Variants in MPRIP observed in about 807,000 individuals in gnomAD.
The protein encoded by MPRIP is myosin phosphatase Rho-interacting protein.
In MPRIP, 59 loss-of-function variants were observed where a neutral mutation model predicts 234.9. That is an observed-to-expected ratio of 0.25 (90% CI 0.20 to 0.31). MPRIP has a LOEUF of 0.31. Ranked by LOEUF, MPRIP falls within the 10% of genes least tolerant of loss-of-function variation. The probability of loss-of-function intolerance (pLI) is 1.00; values close to 1 mark genes in which losing one functional copy is unlikely to be tolerated. For synonymous variants in MPRIP, 1,144 were observed against 1,263.9 expected (o/e 0.91, Z 2.01); for missense variants, 2,436 against 3,071.0 (o/e 0.79, Z 4.89).
chr17:17,124,072 G>T (rs2090445852), intron 3 of MPRIP, among the ~76,000 whole-genome samples: 1 of 152,210 alleles, frequency 6.6e-6, no homozygotes, highest in African/African-American at 2.4e-5. Flanking sequence ...TTTGGAAGGA[G>T]ATAGAACCCT....
chr17:17,160,069 G>T (rs896235405), intron 14 of MPRIP, among the ~76,000 whole-genome samples: 3 of 152,214 alleles, frequency 2.0e-5, no homozygotes, highest in Admixed American at 6.5e-5. Context: ...AGTCTTCACT[G>T]TTTAAAAGTC....
chr17:17,049,616 G>A (rs748697187), intron 1 of MPRIP, among the ~76,000 whole-genome samples: 4 of 152,200 alleles, frequency 2.6e-5, no homozygotes, highest in Non-Finnish European at 4.4e-5. Flanking sequence ...CCAGGTCGGT[G>A]GTTTTCAAGC....
At chr17:17,097,174 T>C (rs1382512268) in intron 3 of MPRIP, 1 of 197,114 alleles carries the variant, frequency 5.1e-6, no homozygotes, top group Non-Finnish European at 1.1e-5. Context: ...GGTGAAAATT[T>C]GGGGAAACAA....
intron 1 of MPRIP, among the ~76,000 whole-genome samples, chr17:17,058,804 T>A (rs2088785033): frequency 6.6e-6 from 1 of 152,150 alleles, no homozygotes; most frequent in East Asian, 1.9e-4. Context: ...AAAGGACTCT[T>A]GAGTAGAAAC....
chr17:17,077,349 G>A (rs1009668055), intron 2 of MPRIP: 4 of 152,844 alleles, frequency 2.6e-5, no homozygotes, highest in Non-Finnish European at 4.4e-5. Flanking sequence ...GACCGCCGTG[G>A]ACACTTCCCA....
chr17:17,044,208 G>A (rs2088273785), intron 1 of MPRIP, among the ~76,000 whole-genome samples: 1 of 152,204 alleles, frequency 6.6e-6, no homozygotes, highest in Non-Finnish European at 1.5e-5. Context: ...GTCATAGATG[G>A]TTAAGATACC....
At chr17:17,111,924 T>G (rs927121766) in intron 3 of MPRIP, among the ~76,000 whole-genome samples, 29 of 152,160 alleles carry the variant, frequency 1.9e-4, no homozygotes, top group Non-Finnish European at 1.9e-4. Flanking sequence ...TGGCATTTGT[T>G]TAGCTTGCCC....
chr17:17,150,129 C>A lies in MPRIP; in HGVS notation c.1630-15C>A. On this transcript the variant is annotated splice_polypyrimidine_tract_variant and intron_variant, in intron 11 of 23. Coordinates refer to ENST00000651222, the MANE Select transcript of MPRIP (RefSeq NM_001364716.4). ...CTTCCTAAAAATCTCAAGACATTCT[C>A]ACTTCCCTCGGCAGGCAGCCGACTT... The A allele has an allele frequency of 1.2e-6, 2 of 1,605,702 alleles. No homozygotes were observed. Among genetic ancestry groups the A allele is most frequent in the South Asian group, 1.1e-5 (1 of 90,632 alleles).
intron 19 of MPRIP, 78 bp downstream of exon 19, chr17:17,174,153 C>A: frequency 6.6e-7 from 1 of 1,515,754 alleles, no homozygotes; most frequent in Non-Finnish European, 9.0e-7. Context: ...GGTGAGTCCA[C>A]ACTGGAGCTG....
intron 1 of MPRIP, among the ~76,000 whole-genome samples, chr17:17,068,112 T>C (rs2089094749): frequency 6.6e-6 from 1 of 152,116 alleles, no homozygotes; most frequent in Non-Finnish European, 1.5e-5. Context: ...ATTATGTCTT[T>C]TTTTTTCTTT....
rs564128960 is a variant in MPRIP, at chr17:17,092,751, T to C, written c.267+14675T>C. 5.1e-4 allele frequency among the ~76,000 whole-genome samples: 78 copies of C among 152,308 alleles called. No homozygotes were observed. In the South Asian group the frequency reaches 0.016, roughly 32 times the overall value. ...CCCTTGTTCTCTATCTCTCTCTCTC[T>C]CTGTCTCCTACAGAGACTCTGCAGG... On this transcript the variant is annotated intron_variant, in intron 3 of 23. Coordinates refer to ENST00000651222, the MANE Select transcript of MPRIP (RefSeq NM_001364716.4).
At position 17,189,608 on chromosome 17, in the gene MPRIP, T is replaced by C. The variant is rs2046547904; in HGVS notation, c.*4714T>C. Reference sequence around the variant, plus strand: ...TATGATATTATACTTCAAAGGAATTTGATGTTGAAATTTTAAAGAAAATTT... The same window carrying C: ...TATGATATTATACTTCAAAGGAATTCGATGTTGAAATTTTAAAGAAAATTT... On this transcript the variant is annotated 3_prime_UTR_variant, in exon 24 of 24. Transcript: ENST00000651222. 6.6e-6 allele frequency: 1 copy of C among 152,248 alleles called. No individual in the cohort carries two copies. Among genetic ancestry groups the C allele is most frequent in the Non-Finnish European group, 1.5e-5 (1 of 68,044 alleles). The allele number at this position is 152,248 out of a possible 1,614,324, so 9.4% of individuals were successfully genotyped here.
chr17:17,103,645 T>A (rs921397170), intron 3 of MPRIP, among the ~76,000 whole-genome samples: 5 of 152,214 alleles, frequency 3.3e-5, no homozygotes, highest in African/African-American at 1.2e-4. Context: ...TTGTCAGCAT[T>A]GATGTTGGTT....
rs942162545 is a variant in MPRIP, at chr17:17,129,980, G to C, written c.420-1637G>C. 9.2e-5 allele frequency among the ~76,000 whole-genome samples: 14 copies of C among 152,346 alleles called. No homozygotes were observed. In the East Asian group the frequency reaches 2.7e-3, roughly 29 times the overall value. ...GGGACCTCTGCTCCCAGCCAGCCTT[G>C]ATGAGAAGTGTGACCAGGGAGGAGA... On this transcript the variant is annotated intron_variant, in intron 4 of 23. Coordinates refer to ENST00000651222, the MANE Select transcript of MPRIP (RefSeq NM_001364716.4).
At chr17:17,135,251 G>A (rs911188138) in intron 5 of MPRIP, among the ~76,000 whole-genome samples, 5 of 148,778 alleles carry the variant, frequency 3.4e-5, no homozygotes, top group Non-Finnish European at 7.4e-5. Context: ...CTCTGCATCT[G>A]CCTAAATGCC....
At chr17:17,171,394 G>C (rs1597505204) in intron 16 of MPRIP, 2 of 255,644 alleles carry the variant, frequency 7.8e-6, no homozygotes, top group East Asian at 9.1e-5. Context: ...GAAGGTCCAG[G>C]GTTGGCTGGT....
At chr17:17,045,916 C>T (rs1365898320) in intron 1 of MPRIP, among the ~76,000 whole-genome samples, 2 of 150,996 alleles carry the variant, frequency 1.3e-5, no homozygotes, top group African/African-American at 4.9e-5. Context: ...TGCCATTCTT[C>T]TGCCTCAGCC....
chr17:17,096,295 GTGTGTGTGTGT>G (rs1282059087), intron 3 of MPRIP, among the ~76,000 whole-genome samples: 12 of 3,690 alleles, frequency 3.3e-3, no homozygotes, highest in Non-Finnish European at 8.8e-3. Context: ...CAGGGTGTGT[GTGTGTGTGTGT>G]GTGTGTGTGT....
chr17:17,065,066 A>C lies in MPRIP; in HGVS notation c.124-10644A>C, dbSNP rs555949760. On this transcript the variant is annotated intron_variant, in intron 1 of 23. Transcript: ENST00000651222. The stretch of plus-strand genomic sequence containing the variant: ...TCATAAATAGCATGAACACCTCTTC[A>C]TGCTATTTATCTTCTGTAGAAAGTC... 1.6e-3 allele frequency among the ~76,000 whole-genome samples: 251 copies of C among 152,250 alleles called. 1 individual carries two copies. The highest frequency in any genetic ancestry group is 2.7e-3 in the South Asian group (13 of 4,828).
Sources: allele counts gnomAD v4.1 joint callset (sites outside exome capture counted in the v4.1 genomes callset), GRCh38; gene constraint gnomAD v4.1.1; transcripts MANE v1.5; gene names NCBI Gene and HGNC (gene_info 2026-07-23, HGNC 2026-07-21).